The following INPP4B variants were observed in gnomAD, a reference collection of about 807,000 sequenced individuals.
The protein encoded by INPP4B is inositol polyphosphate 4-phosphatase type II.
INPP4B carries 55 observed loss-of-function variants against 122.5 expected under a neutral mutation model. That is an observed-to-expected ratio of 0.45 (90% CI 0.36 to 0.56). The LOEUF (loss-of-function observed/expected upper bound fraction) is 0.56, where lower values mean the gene tolerates loss of function less well. Among genes scored for constraint, INPP4B ranks in the 20% least tolerant of loss-of-function variants. The pLI is 0.00. For missense variants in INPP4B, 1,000 were observed against 1,097.7 expected, an observed-to-expected ratio of 0.91 and a Z score of 1.26; for synonymous variants, 403 against 388.7, an observed-to-expected ratio of 1.04 and a Z score of -0.43.
chr4:142,334,928 G>T (rs567733599), intron 7 of INPP4B, among the ~76,000 whole-genome samples: 1 of 151,902 alleles, frequency 6.6e-6, no homozygotes, highest in African/African-American at 2.4e-5. Flanking sequence ...GCCTTTTCAT[G>T]TGTTGATGGT....
intron 2 of INPP4B, among the ~76,000 whole-genome samples, chr4:142,655,427 T>G (rs971637935): frequency 6.6e-6 from 1 of 152,224 alleles, no homozygotes; most frequent in Non-Finnish European, 1.5e-5. Context: ...GGCCCAAGTC[T>G]AAGTAAAAGG....
chr4:142,029,899 T>C, intron 25 of INPP4B: 4 of 1,177,012 alleles, frequency 3.4e-6, no homozygotes, highest in Non-Finnish European at 4.2e-6. Context: ...TAAAAATTCT[T>C]CTTGAGCTAG....
intron 1 of INPP4B, among the ~76,000 whole-genome samples, chr4:142,746,516 A>G (rs1244155306): frequency 6.6e-6 from 1 of 152,204 alleles, no homozygotes; most frequent in Non-Finnish European, 1.5e-5. Context: ...GAATGAGAAA[A>G]AAATACTTTA....
chr4:142,085,641 A>G (rs1409916866), intron 24 of INPP4B, among the ~76,000 whole-genome samples: 1 of 152,188 alleles, frequency 6.6e-6, no homozygotes, highest in Non-Finnish European at 1.5e-5. Context: ...TATACAAAAT[A>G]TAGTTCATTA....
intron 2 of INPP4B, among the ~76,000 whole-genome samples, chr4:142,642,876 A>G (rs1435533886): frequency 5.3e-5 from 8 of 152,040 alleles, no homozygotes; most frequent in Non-Finnish European, 2.9e-5. Context: ...CCATTTTCAC[A>G]ATATTGATTC....
In INPP4B at chr4:142,276,855, A is replaced by T. The variant is rs567831459; in HGVS notation, c.504-6081T>A. 6.6e-5 allele frequency among the ~76,000 whole-genome samples: 10 copies of T among 151,920 alleles called. 1 individual carries two copies. The highest frequency in any genetic ancestry group is 2.4e-4 in the African/African-American group (10 of 41,398). On this transcript the variant is annotated intron_variant, in intron 9 of 25. Coordinates refer to ENST00000262992, the MANE Select transcript of INPP4B (RefSeq NM_001101669.3). The stretch of plus-strand genomic sequence containing the variant: ...AAGCAATTTTTACCTTCCTCATGAC[A>T]CTATTAAAAATATATATTTGGAAAC...
chr4:142,628,773 C>G (rs1747205356), intron 2 of INPP4B, among the ~76,000 whole-genome samples: 1 of 151,900 alleles, frequency 6.6e-6, no homozygotes, highest in East Asian at 1.9e-4. Context: ...TTCTCTATGA[C>G]AGTTTTATTC....
intron 18 of INPP4B, among the ~76,000 whole-genome samples, chr4:142,130,890 T>C (rs1489113205): frequency 6.6e-6 from 1 of 152,174 alleles, no homozygotes; most frequent in East Asian, 1.9e-4. Context: ...CACAGTGTCA[T>C]AAAACTTTCC....
intron 15 of INPP4B, among the ~76,000 whole-genome samples, chr4:142,179,913 T>G (rs1461157881): frequency 1.3e-5 from 2 of 152,174 alleles, no homozygotes; most frequent in Admixed American, 1.3e-4. Context: ...TTCTGGTATT[T>G]TCATGTTGTC....
At chr4:142,182,613 T>C (rs1375045782) in intron 15 of INPP4B, among the ~76,000 whole-genome samples, 1 of 151,672 alleles carries the variant, frequency 6.6e-6, no homozygotes, top group Non-Finnish European at 1.5e-5. Context: ...AACATGATTA[T>C]TTTCTTATTT....
intron 2 of INPP4B, among the ~76,000 whole-genome samples, chr4:142,577,469 G>A (rs186414153): frequency 3.9e-5 from 6 of 152,118 alleles, no homozygotes; most frequent in African/African-American, 1.4e-4. Flanking sequence ...TCCTGTCCTA[G>A]AAGAGTTTTT....
intron 25 of INPP4B, among the ~76,000 whole-genome samples, chr4:142,039,426 G>A (rs1301792590): frequency 6.6e-6 from 1 of 151,820 alleles, no homozygotes; most frequent in Non-Finnish European, 1.5e-5. Context: ...AAAATTCCGA[G>A]AAAATAGGAA....
At chr4:142,845,728 C>CCGGCGG (rs78589959) in intron 1 of INPP4B, among the ~76,000 whole-genome samples, 35 of 151,440 alleles carry the variant, frequency 2.3e-4, no homozygotes, top group Middle Eastern at 3.4e-3. Context: ...TCTTCCCAGG[C>CCGGCGG]CGGCGGCGGC....
intron 16 of INPP4B, among the ~76,000 whole-genome samples, chr4:142,165,485 T>C (rs541866744): frequency 2.6e-5 from 4 of 151,860 alleles, no homozygotes; most frequent in Admixed American, 6.6e-5. Flanking sequence ...AATGTTAAAA[T>C]ATACACTTCT....
chr4:142,059,491 C>G (rs1464410064), intron 25 of INPP4B, among the ~76,000 whole-genome samples: 5 of 152,086 alleles, frequency 3.3e-5, no homozygotes, highest in African/African-American at 1.2e-4. Flanking sequence ...TGAGGTTTTT[C>G]ATGAGAAGGA....
At chr4:142,306,040 A>C (rs944505892) in intron 8 of INPP4B, 5 of 542,224 alleles carry the variant, frequency 9.2e-6, no homozygotes, top group Non-Finnish European at 2.4e-6. Context: ...CAATGTTTAA[A>C]AGCATTTTTC....
intron 2 of INPP4B, among the ~76,000 whole-genome samples, chr4:142,691,466 T>C (rs888879123): frequency 1.3e-5 from 2 of 152,056 alleles, no homozygotes; most frequent in Admixed American, 1.3e-4. Flanking sequence ...GGTCAAACTA[T>C]GATGTACCTT....
chr4:142,359,519 T>G (rs1784712208), intron 7 of INPP4B, among the ~76,000 whole-genome samples: 1 of 152,016 alleles, frequency 6.6e-6, no homozygotes, highest in Non-Finnish European at 1.5e-5. Context: ...CATCTAAACC[T>G]CGTCCCATTT....
intron 15 of INPP4B, among the ~76,000 whole-genome samples, chr4:142,185,605 C>T (rs1256772514): frequency 2.0e-5 from 3 of 151,698 alleles, no homozygotes; most frequent in African/African-American, 7.3e-5. Context: ...CTTGGCCGGG[C>T]GCGGTGGCTC....
Sources: allele counts gnomAD v4.1 joint callset (sites outside exome capture counted in the v4.1 genomes callset), GRCh38; gene constraint gnomAD v4.1.1; transcripts MANE v1.5; gene names NCBI Gene and HGNC (gene_info 2026-07-23, HGNC 2026-07-21).